The following SLC44A5 variants were observed in gnomAD, a reference collection of about 807,000 sequenced individuals.
The protein encoded by SLC44A5 is choline transporter-like protein 5.
In SLC44A5, 57 loss-of-function variants were observed where a neutral mutation model predicts 101.8. That is an observed-to-expected ratio of 0.56 (90% CI 0.45 to 0.70). The LOEUF is 0.70. SLC44A5 is among the 30% of genes least tolerant of loss of function. The pLI, the probability that SLC44A5 is intolerant of heterozygous loss-of-function variation, is 0.00. For missense variants in SLC44A5, 737 were observed against 853.1 expected, an observed-to-expected ratio of 0.86 and a Z score of 1.70; for synonymous variants, 281 against 290.9, an observed-to-expected ratio of 0.97 and a Z score of 0.35.
chr1:75,213,470 A>C (rs1050639121), intron 22 of SLC44A5, among the ~76,000 whole-genome samples: 1 of 142,054 alleles, frequency 7.0e-6, no homozygotes, highest in African/African-American at 2.6e-5. Flanking sequence ...TAGTGTCCTT[A>C]TAAGATAAAT....
At chr1:75,710,581 A>C in the SLC44A5 span, 2 of 150,948 alleles carry the variant, frequency 1.3e-5, no homozygotes, top group Non-Finnish European at 2.9e-5. Flanking sequence ...AAAAAAAAAA[A>C]AAAAAAGGAA....
At chr1:75,673,870 T>C in the SLC44A5 span, among the ~76,000 whole-genome samples, 1 of 152,168 alleles carries the variant, frequency 6.6e-6, no homozygotes, top group Non-Finnish European at 1.5e-5. Context: ...TGGGGTCTCA[T>C]AATGCAGATA....
At chr1:75,485,331 C>T (rs1668096453) in intron 2 of SLC44A5, among the ~76,000 whole-genome samples, 1 of 152,186 alleles carries the variant, frequency 6.6e-6, no homozygotes, top group Non-Finnish European at 1.5e-5. Flanking sequence ...CTGTCAGACA[C>T]CCTAAGTCAT....
intron 2 of SLC44A5, among the ~76,000 whole-genome samples, chr1:75,515,181 A>G (rs1404812620): frequency 1.3e-5 from 2 of 152,182 alleles, no homozygotes; most frequent in African/African-American, 4.8e-5. Context: ...GTATAAATTT[A>G]TGGGGTACAA....
chr1:75,512,135 C>T (rs1481670658), intron 2 of SLC44A5, among the ~76,000 whole-genome samples: 7 of 152,150 alleles, frequency 4.6e-5, no homozygotes, highest in East Asian at 1.9e-4. Context: ...CGTTGAGATA[C>T]GGATTTCTCC....
At chr1:75,282,890 G>A (rs1046169172) in intron 5 of SLC44A5, among the ~76,000 whole-genome samples, 1 of 152,100 alleles carries the variant, frequency 6.6e-6, no homozygotes, top group African/African-American at 2.4e-5. Context: ...CCAGTCTTGG[G>A]TATGTTTTTA....
At chr1:75,625,030 C>A in the SLC44A5 span, among the ~76,000 whole-genome samples, 1 of 152,182 alleles carries the variant, frequency 6.6e-6, no homozygotes, top group African/African-American at 2.4e-5. Context: ...CTCTCAGCTA[C>A]TGATGTTCCA....
chr1:75,611,812 T>C (rs1675668653), upstream of SLC44A5, among the ~76,000 whole-genome samples: 1 of 152,078 alleles, frequency 6.6e-6, no homozygotes. Flanking sequence ...TTTAGAGGCT[T>C]TCTCATGTCC....
chr1:75,700,769 T>C, the SLC44A5 span, among the ~76,000 whole-genome samples: 331 of 151,762 alleles, frequency 2.2e-3, 2 homozygotes, highest in African/African-American at 7.3e-3. Flanking sequence ...GCAAGACTAA[T>C]AAAGAAGAAA....
At chr1:75,654,321 T>A in the SLC44A5 span, among the ~76,000 whole-genome samples, 2 of 152,178 alleles carry the variant, frequency 1.3e-5, no homozygotes, top group African/African-American at 4.8e-5. Context: ...TAAACTAACA[T>A]TACTTTAAAT....
chr1:75,470,723 C>T (rs545999907), intron 2 of SLC44A5, among the ~76,000 whole-genome samples: 8 of 146,230 alleles, frequency 5.5e-5, no homozygotes, highest in Admixed American at 3.4e-4. Flanking sequence ...CAGAGAGAAG[C>T]GTGACCTGGC....
Position 75,561,447 on chromosome 1 carries a change from G to A in SLC44A5, c.-69-19931C>T, listed in dbSNP as rs1672513824. 2.0e-5 allele frequency among the ~76,000 whole-genome samples: 3 copies of A among 152,018 alleles called. No individual in the cohort carries two copies. The South Asian group carries it at 6.2e-4, about 32-fold the overall frequency. On this transcript the variant is annotated intron_variant, in intron 1 of 23. Transcript: ENST00000370859. ...TTATTGTCTGTCTCTTCCCAGAGGA[G>A]TACAAGTACTATGAGGAAAGGAACT...
At chr1:75,223,217 G>A (rs573839399) in intron 13 of SLC44A5, among the ~76,000 whole-genome samples, 106 of 152,272 alleles carry the variant, frequency 7.0e-4, no homozygotes, top group African/African-American at 2.5e-3. Context: ...CTGACTCCAA[G>A]TAAACTTTGA....
chr1:75,575,503 T>G (rs955510027), intron 1 of SLC44A5, among the ~76,000 whole-genome samples: 1 of 152,194 alleles, frequency 6.6e-6, no homozygotes, highest in Non-Finnish European at 1.5e-5. Context: ...TACATATTTC[T>G]AAGGCTGTCA....
intron 2 of SLC44A5, among the ~76,000 whole-genome samples, chr1:75,431,026 A>T (rs1415421478): frequency 6.6e-6 from 1 of 152,210 alleles, no homozygotes; most frequent in Admixed American, 6.5e-5. Flanking sequence ...CCAGTGATTA[A>T]GAACTGGTTT....
At chr1:75,714,705 C>T in the SLC44A5 span, among the ~76,000 whole-genome samples, 1 of 152,176 alleles carries the variant, frequency 6.6e-6, no homozygotes, top group Non-Finnish European at 1.5e-5. Flanking sequence ...GAGACGGAGT[C>T]TCACTCTGTC....
chr1:75,248,068 G>A (rs1292707052), intron 7 of SLC44A5, among the ~76,000 whole-genome samples: 1 of 152,092 alleles, frequency 6.6e-6, no homozygotes, highest in Non-Finnish European at 1.5e-5. Flanking sequence ...CTAGTAGGGT[G>A]AGACAGGAAC....
intron 7 of SLC44A5, 132 bp downstream of exon 7, chr1:75,251,078 C>T (rs1649527484): frequency 1.0e-5 from 7 of 691,380 alleles, no homozygotes; most frequent in South Asian, 1.0e-4. Context: ...TATATCTTCC[C>T]ATCGTCTAGA....
chr1:75,272,446 T>TA (rs948294053), intron 6 of SLC44A5, among the ~76,000 whole-genome samples: 44 of 152,094 alleles, frequency 2.9e-4, no homozygotes, highest in African/African-American at 1.0e-3. Flanking sequence ...TTTTGGATCT[T>TA]AGTCATGAAT....
Sources: allele counts gnomAD v4.1 joint callset (sites outside exome capture counted in the v4.1 genomes callset), GRCh38; gene constraint gnomAD v4.1.1; transcripts MANE v1.5; gene names NCBI Gene and HGNC (gene_info 2026-07-23, HGNC 2026-07-21).